YWHAQ: variants seen among roughly 807,000 people sequenced by gnomAD.
The protein encoded by YWHAQ is tyrosine 3-monooxygenase/tryptophan 5-monooxygenase activation protein theta.
In YWHAQ, 6 loss-of-function variants were observed where a neutral mutation model predicts 28.3. That is an observed-to-expected ratio of 0.21 (90% CI 0.12 to 0.42). The LOEUF (loss-of-function observed/expected upper bound fraction) is 0.42, where lower values mean the gene tolerates loss of function less well. Ranked by LOEUF, YWHAQ falls within the 10% of genes least tolerant of loss-of-function variation. YWHAQ has a pLI of 1.00. For missense variants in YWHAQ, 201 were observed against 305.6 expected, an observed-to-expected ratio of 0.66 and a Z score of 2.55; for synonymous variants, 143 against 119.1, an observed-to-expected ratio of 1.20 and a Z score of -1.31.
chr2:9,626,456 G>C (rs1349994621), intron 2 of YWHAQ, among the ~76,000 whole-genome samples: 1 of 152,148 alleles, frequency 6.6e-6, no homozygotes, highest in Non-Finnish European at 1.5e-5. Context: ...TGTTTTCAGA[G>C]TCTCGCTCTG....
In YWHAQ at chr2:9,587,442, A is replaced by G; in HGVS notation, c.650T>C (p.Ile217Thr). 6.2e-7 allele frequency: 1 copy of G among 1,612,108 alleles called. No individual in the cohort carries two copies. The highest frequency in any genetic ancestry group is 1.1e-5 in the South Asian group (1 of 90,482). The change falls in exon 5 of 6, where the codon ATC becomes ACC. Residue 217 changes from isoleucine to threonine, a missense_variant. This residue lies in a region of YWHAQ where 39 missense variants were observed against 91.7 expected (regional missense o/e 0.43). Transcript: ENST00000238081. The stretch of plus-strand genomic sequence containing the variant: ...TAGGTTGTCTCTAAGCAACTGCATG[A>G]TGAGGGTGCTGTCTTTGTATGAGTC... The part of the protein sequence containing the change: ...NEDSYKDSTL[I>T]MQLLRDNLTL...
rs142322717 is a variant in YWHAQ, at chr2:9,585,646, G to A, written c.679-301C>T. ...CATTTGGCCAGGCACAGTGGCTCACGCCTGTAATCTCAGCACGTAGGGAGG... is the reference window on the plus strand; with the variant it reads ...CATTTGGCCAGGCACAGTGGCTCACACCTGTAATCTCAGCACGTAGGGAGG... On this transcript the variant is annotated intron_variant, in intron 5 of 5. Transcript: ENST00000238081. Among the ~76,000 whole-genome samples, 619 of 152,178 alleles carry A rather than the reference G, an allele frequency of 4.1e-3. 8 individuals carry two copies. The highest frequency in any genetic ancestry group is 0.014 in the African/African-American group (587 of 41,532).
chr2:9,591,610 C>T, intron 2 of YWHAQ, 95 bp from the exon 3 acceptor site: 3 of 1,441,996 alleles, frequency 2.1e-6, no homozygotes, highest in Non-Finnish European at 2.8e-6. Context: ...GCATTTCAAT[C>T]ATTTACTACT....
At chr2:9,618,005 CA>C (rs1223189647) in intron 2 of YWHAQ, among the ~76,000 whole-genome samples, 3 of 151,636 alleles carry the variant, frequency 2.0e-5, no homozygotes, top group Non-Finnish European at 4.4e-5. Context: ...AGAAGCCAGA[CA>C]CAAAACACTA....
intron 3 of YWHAQ, 120 bp from the exon 4 acceptor site, chr2:9,588,448 G>A (rs72777035): frequency 8.6e-7 from 1 of 1,159,884 alleles, no homozygotes; most frequent in African/African-American, 1.6e-5. Context: ...TCTCTGTATG[G>A]GTCTTTTAAA....
intron 2 of YWHAQ, among the ~76,000 whole-genome samples, chr2:9,607,503 G>C (rs932675003): frequency 6.6e-6 from 1 of 151,816 alleles, no homozygotes; most frequent in African/African-American, 2.4e-5. Flanking sequence ...CATCGTACCT[G>C]GCATTTTTCT....
intron 2 of YWHAQ, among the ~76,000 whole-genome samples, chr2:9,616,664 A>G (rs752662297): frequency 1.1e-4 from 17 of 152,204 alleles, no homozygotes; most frequent in Non-Finnish European, 2.1e-4. Flanking sequence ...ACATTTCTCC[A>G]AAGAGCATAT....
At chr2:9,611,551 C>T (rs1666947132) in intron 2 of YWHAQ, among the ~76,000 whole-genome samples, 1 of 152,226 alleles carries the variant, frequency 6.6e-6, no homozygotes, top group South Asian at 2.1e-4. Flanking sequence ...AACCCTCCCG[C>T]TCCATCTTTT....
rs984252394 is a variant in YWHAQ, at chr2:9,630,667, C to T, written c.-82-133G>A. 8.1e-5 allele frequency: 32 copies of T among 397,232 alleles called. No individual in the cohort carries two copies. The highest frequency in any genetic ancestry group is 6.1e-4 in the African/African-American group (29 of 47,402). 24.6% of individuals were successfully genotyped at this position (397,232 alleles called of 1,614,324 possible). A position where few individuals can be genotyped will look rare whatever the true frequency, so the allele number is the denominator to read the frequency against. On this transcript the variant is annotated intron_variant, in intron 1 of 5. Coordinates refer to ENST00000238081, the MANE Select transcript of YWHAQ (RefSeq NM_006826.4). The surrounding 1 kb of genome is among the most constrained non-coding windows in gnomAD (Gnocchi z 5.6). Reference sequence around the variant, plus strand: ...ATTTCCCTCTCCCCCGCCCCCTCCCCCGCTGGGCACCCGGGGAGGCCGCGG... The same window carrying T: ...ATTTCCCTCTCCCCCGCCCCCTCCCTCGCTGGGCACCCGGGGAGGCCGCGG...
At chr2:9,602,016 G>A (rs979181094) in intron 2 of YWHAQ, among the ~76,000 whole-genome samples, 7 of 152,132 alleles carry the variant, frequency 4.6e-5, no homozygotes, top group South Asian at 2.1e-4. Context: ...TTCAGACAAC[G>A]AACCATAATA....
Position 9,587,400 on chromosome 2 carries a change from A to G in YWHAQ, c.678+14T>C. On this transcript the variant is annotated intron_variant, in intron 5 of 5. Coordinates refer to ENST00000238081, the MANE Select transcript of YWHAQ (RefSeq NM_006826.4). ...TCTGAAAAGAAAATAAAATTAAAAG[A>G]GTAAACAACTCACTGTTAGGTTGTC... The G allele has an allele frequency of 6.3e-7, 1 of 1,587,638 alleles. No homozygotes were observed. The highest frequency in any genetic ancestry group is 8.5e-7 in the Non-Finnish European group (1 of 1,170,576).
chr2:9,630,127 G>A lies in YWHAQ; in HGVS notation c.294+32C>T, dbSNP rs777744668. 5.0e-6 allele frequency: 8 copies of A among 1,589,812 alleles called. No individual in the cohort carries two copies. The African/African-American group carries it at 6.7e-5, about 13-fold the overall frequency. ...TCTCAATGAAAAGCATCTCACAAAAGGCCTCCCCTGCTCCCCGCGCCGAGG... is the reference window on the plus strand; with the variant it reads ...TCTCAATGAAAAGCATCTCACAAAAAGCCTCCCCTGCTCCCCGCGCCGAGG... On this transcript the variant is annotated intron_variant, in intron 2 of 5. Coordinates refer to ENST00000238081, the MANE Select transcript of YWHAQ (RefSeq NM_006826.4). The surrounding 1 kb of genome is among the most constrained non-coding windows in gnomAD (Gnocchi z 5.6).
At chr2:9,602,894 T>TATATAC in intron 2 of YWHAQ, among the ~76,000 whole-genome samples, 1 of 93,948 alleles carries the variant, frequency 1.1e-5, no homozygotes, top group East Asian at 4.4e-4. Context: ...TATATATATA[T>TATATAC]ATATATATAG....
chr2:9,585,948 A>T (rs1462453043), intron 5 of YWHAQ, among the ~76,000 whole-genome samples: 1 of 151,984 alleles, frequency 6.6e-6, no homozygotes, highest in Non-Finnish European at 1.5e-5. Context: ...TTTTTTAAAA[A>T]GGCACTCTAC....
chr2:9,598,571 G>A (rs1189039658), intron 2 of YWHAQ, among the ~76,000 whole-genome samples: 1 of 152,068 alleles, frequency 6.6e-6, no homozygotes, highest in Non-Finnish European at 1.5e-5. Flanking sequence ...GCACATTTTG[G>A]TAATTCTCCC....
At chr2:9,617,314 C>G (rs1338821825) in intron 2 of YWHAQ, among the ~76,000 whole-genome samples, 1 of 151,980 alleles carries the variant, frequency 6.6e-6, no homozygotes, top group Non-Finnish European at 1.5e-5. Context: ...CAAAAAGAAG[C>G]ACAAAATTCT....
At chr2:9,614,019 T>A (rs983586012) in intron 2 of YWHAQ, among the ~76,000 whole-genome samples, 1 of 152,204 alleles carries the variant, frequency 6.6e-6, no homozygotes, top group Non-Finnish European at 1.5e-5. Flanking sequence ...CTTCATCCAA[T>A]GCAGCCTAAC....
At chr2:9,603,259 T>C (rs1169502772) in intron 2 of YWHAQ, among the ~76,000 whole-genome samples, 1 of 139,362 alleles carries the variant, frequency 7.2e-6, no homozygotes, top group Non-Finnish European at 1.5e-5. Context: ...CAAAGTACAA[T>C]TCTCCCTTGA....
chr2:9,605,806 C>T (rs1385465117), intron 2 of YWHAQ, among the ~76,000 whole-genome samples: 1 of 151,842 alleles, frequency 6.6e-6, no homozygotes, highest in South Asian at 2.1e-4. Flanking sequence ...AAGTGATCTG[C>T]CCGCTGTGGC....
Sources: allele counts gnomAD v4.1 joint callset (sites outside exome capture counted in the v4.1 genomes callset), GRCh38; gene constraint gnomAD v4.1.1; regional missense constraint gnomAD v4.1.1; non-coding constraint Gnocchi (gnomAD v3.1); transcripts MANE v1.5; gene names NCBI Gene and HGNC (gene_info 2026-07-23, HGNC 2026-07-21).